Variants in PTPRA observed in about 807,000 individuals in gnomAD.
PTPRA encodes protein tyrosine phosphatase receptor type A, also known as receptor-type tyrosine-protein phosphatase alpha.
In PTPRA, 25 loss-of-function variants were observed where a neutral mutation model predicts 104.8. The ratio of observed to expected loss-of-function variants is 0.24; its 90% CI spans 0.17 to 0.33. PTPRA has a LOEUF of 0.33. Among genes scored for constraint, PTPRA ranks in the 10% least tolerant of loss-of-function variants. The pLI, the probability that PTPRA is intolerant of heterozygous loss-of-function variation, is 1.00. For missense variants in PTPRA, 765 were observed against 1,015.3 expected (o/e 0.75, Z 3.35); for synonymous variants, 323 against 368.9 (o/e 0.88, Z 1.43).
chr20:3,029,135 T>TTTTGTTTG (rs71195812), intron 20 of PTPRA, among the ~76,000 whole-genome samples: 9,030 of 131,508 alleles, frequency 0.069, 962 homozygotes, highest in African/African-American at 0.24. Flanking sequence ...TTTTTTTTGG[T>TTTTGTTTG]TTTGTTTGTT....
intron 20 of PTPRA, among the ~76,000 whole-genome samples, chr20:3,031,254 T>A (rs893557755): frequency 5.3e-5 from 8 of 152,118 alleles, no homozygotes; most frequent in African/African-American, 1.9e-4. Flanking sequence ...CTTCATGCTA[T>A]CTGGTGGAAA....
rs140210610 is a variant in PTPRA, at chr20:2,886,005, A to G, written c.-129+12245A>G. Among the ~76,000 whole-genome samples the G allele has an allele frequency of 1.4e-3, 212 of 152,350 alleles. 1 individual carries two copies. The highest frequency in any genetic ancestry group is 5.0e-3 in the African/African-American group (207 of 41,576). ...CTTGAACCCAGGAGGCGGAGGTTGC[A>G]GTGAGATCATGCCACCACACTCCAG... is the stretch of plus-strand genomic sequence containing the variant. On this transcript the variant is annotated intron_variant, in intron 1 of 23. Coordinates refer to ENST00000399903, the MANE Select transcript of PTPRA (RefSeq NM_001385305.1).
At chr20:3,019,198 T>G (rs867536059) in intron 13 of PTPRA, among the ~76,000 whole-genome samples, 71 of 98,566 alleles carry the variant, frequency 7.2e-4, no homozygotes, top group Non-Finnish European at 1.0e-3. Flanking sequence ...CGGCCGGGCG[T>G]GGGGCTGACC....
At chr20:2,893,786 G>A (rs2058888825) in intron 1 of PTPRA, among the ~76,000 whole-genome samples, 1 of 151,964 alleles carries the variant, frequency 6.6e-6, no homozygotes, top group African/African-American at 2.4e-5. Flanking sequence ...GTAAAAGCAT[G>A]GTACACACTG....
At chr20:2,886,087 CAT>C (rs767925550) in intron 1 of PTPRA, among the ~76,000 whole-genome samples, 1 of 152,084 alleles carries the variant, frequency 6.6e-6, no homozygotes, top group Non-Finnish European at 1.5e-5. Context: ...TTGAATGAAA[CAT>C]ATTAATTGAA....
At chr20:2,963,641 G>C (rs929467483) in intron 3 of PTPRA, among the ~76,000 whole-genome samples, 1 of 151,964 alleles carries the variant, frequency 6.6e-6, no homozygotes. Context: ...TTTACAGGTT[G>C]GATATCTCTA....
chr20:2,878,479 G>T (rs1236592392), intron 1 of PTPRA, among the ~76,000 whole-genome samples: 3 of 152,132 alleles, frequency 2.0e-5, no homozygotes, highest in Non-Finnish European at 4.4e-5. Flanking sequence ...CAAAGTGCTG[G>T]GATTACAGGT....
At chr20:3,007,030 G>C (rs1049482287) in intron 10 of PTPRA, among the ~76,000 whole-genome samples, 1 of 152,136 alleles carries the variant, frequency 6.6e-6, no homozygotes, top group Non-Finnish European at 1.5e-5. Flanking sequence ...AATATGATTG[G>C]TATACTGTAC....
intron 1 of PTPRA, among the ~76,000 whole-genome samples, chr20:2,912,631 G>T (rs544001812): frequency 6.6e-6 from 1 of 152,124 alleles, no homozygotes; most frequent in Non-Finnish European, 1.5e-5. Context: ...CTCAAAAACA[G>T]ACAACGACAA....
intron 6 of PTPRA, among the ~76,000 whole-genome samples, chr20:2,985,602 G>A (rs1012847982): frequency 6.6e-6 from 1 of 152,118 alleles, no homozygotes; most frequent in Non-Finnish European, 1.5e-5. Flanking sequence ...TTGGGTGAAA[G>A]GGAGCCAGGC....
At position 3,037,911 on chromosome 20, in the gene PTPRA, G is replaced by T; in HGVS notation, c.2335-148G>T. ...GAAGGGGAATGCTGTCAGAACTCTG[G>T]CAGGCAGATCAGAGCTCAGGTGAAA... On this transcript the variant is annotated intron_variant, in intron 23 of 23. Coordinates refer to ENST00000399903, the MANE Select transcript of PTPRA (RefSeq NM_001385305.1). This position sits in a 1 kb window ranked among gnomAD's most constrained non-coding sequence, Gnocchi z 4.3. 1 of 676,320 alleles carries T rather than the reference G, an allele frequency of 1.5e-6. No homozygotes were observed. The highest frequency in any genetic ancestry group is 2.6e-6 in the Non-Finnish European group (1 of 387,874). 41.9% of individuals were successfully genotyped at this position (676,320 alleles called of 1,614,324 possible).
intron 5 of PTPRA, among the ~76,000 whole-genome samples, chr20:2,971,206 A>G (rs1310407193): frequency 6.6e-6 from 1 of 152,202 alleles, no homozygotes; most frequent in Admixed American, 6.5e-5. Flanking sequence ...CAGGAAAAAA[A>G]GTTTGTATTG....
At chr20:3,011,782 G>T (rs34499110) in intron 11 of PTPRA, among the ~76,000 whole-genome samples, 3,569 of 152,198 alleles carry the variant, frequency 0.023, 60 homozygotes, top group Middle Eastern at 0.065. Context: ...AAGATACTGG[G>T]TACCTTAACA....
chr20:2,901,972 G>C (rs1207356894), intron 1 of PTPRA, among the ~76,000 whole-genome samples: 2 of 151,322 alleles, frequency 1.3e-5, no homozygotes, highest in Admixed American at 1.3e-4. Flanking sequence ...TGCAACCTCT[G>C]CCTCCCAGGT....
chr20:3,015,941 T>C (rs1257106411), intron 12 of PTPRA, 56 bp downstream of exon 12: 155 of 1,502,260 alleles, frequency 1.0e-4, no homozygotes, highest in Non-Finnish European at 1.4e-4. Context: ...ATAATGGGTT[T>C]GGTTTTTTTC....
At chr20:3,019,533 G>T (rs1386118757) in intron 13 of PTPRA, among the ~76,000 whole-genome samples, 1 of 150,976 alleles carries the variant, frequency 6.6e-6, no homozygotes, top group Non-Finnish European at 1.5e-5. Flanking sequence ...GGGCAGAGAC[G>T]CTCCTCACTT....
chr20:2,926,793 T>TTA (rs1197405960), intron 2 of PTPRA, among the ~76,000 whole-genome samples: 3 of 133,496 alleles, frequency 2.2e-5, no homozygotes, highest in African/African-American at 5.5e-5. Context: ...TTTTTTTTTT[T>TTA]ACTTTTTATT....
chr20:2,998,012 C>T (rs572272156), intron 9 of PTPRA, among the ~76,000 whole-genome samples: 21 of 152,144 alleles, frequency 1.4e-4, no homozygotes, highest in Admixed American at 1.2e-3. Context: ...GCCTGTAGTT[C>T]TAGCTACTCA....
intron 19 of PTPRA, 114 bp from the exon 20 acceptor site, chr20:3,027,593 C>T (rs613309): frequency 0.54 from 754,909 of 1,394,344 alleles, 211,180 homozygotes; most frequent in East Asian, 0.92. Flanking sequence ...GGGAGCTCTG[C>T]ATGGGCTGAG....
Sources: allele counts gnomAD v4.1 joint callset (sites outside exome capture counted in the v4.1 genomes callset), GRCh38; gene constraint gnomAD v4.1.1; non-coding constraint Gnocchi (gnomAD v3.1); transcripts MANE v1.5; gene names NCBI Gene and HGNC (gene_info 2026-07-23, HGNC 2026-07-21).